SORCS1: variants seen among roughly 807,000 people sequenced by gnomAD.
SORCS1 encodes sortilin related VPS10 domain containing receptor 1.
A neutral mutation model predicts 146.1 loss-of-function variants in SORCS1; 60 were observed. The observed-to-expected ratio is 0.41, with a 90% confidence interval of 0.33 to 0.51. The LOEUF (loss-of-function observed/expected upper bound fraction) is 0.51. Ranked by LOEUF, SORCS1 falls within the 20% of genes least tolerant of loss-of-function variation. The probability of loss-of-function intolerance (pLI) is 0.21; values close to 1 mark genes in which losing one functional copy is unlikely to be tolerated. For missense variants in SORCS1, 1,352 were observed against 1,487.6 expected (o/e 0.91, Z 1.50); for synonymous variants, 637 against 584.0 (o/e 1.09, Z -1.31).
intron 23 of SORCS1, among the ~76,000 whole-genome samples, chr10:106,601,343 C>A (rs1194161234): frequency 6.6e-6 from 1 of 152,240 alleles, no homozygotes; most frequent in Non-Finnish European, 1.5e-5. Context: ...CTTTCCAGCA[C>A]AGTCCATTTT....
intron 19 of SORCS1, among the ~76,000 whole-genome samples, chr10:106,627,068 G>C (rs982129323): frequency 1.3e-5 from 2 of 152,150 alleles, no homozygotes; most frequent in East Asian, 3.9e-4. Context: ...AAGGGTTTCC[G>C]CAGCCCTTAA....
intron 1 of SORCS1, among the ~76,000 whole-genome samples, chr10:107,007,828 G>A (rs1026826321): frequency 9.9e-5 from 15 of 151,930 alleles, no homozygotes; most frequent in African/African-American, 3.4e-4. Flanking sequence ...GCCCAATTAC[G>A]CTTACTTGAT....
intron 18 of SORCS1, among the ~76,000 whole-genome samples, chr10:106,629,912 C>T (rs1347092463): frequency 1.3e-5 from 2 of 152,192 alleles, no homozygotes; most frequent in African/African-American, 2.4e-5. Flanking sequence ...GGCGTGGTGG[C>T]GCACGCCTAT....
rs571987573 is a variant in SORCS1, at chr10:106,912,434, C to T, written c.626+44079G>A. 5.3e-5 allele frequency among the ~76,000 whole-genome samples: 8 copies of T among 152,240 alleles called. No homozygotes were observed. In the South Asian group the frequency reaches 1.7e-3, roughly 32 times the overall value. ...TTAAAGTGTGAATTTCTGATTCTCACTCCCAACCTAAAGCAATCAGAATCT... is the reference window on the plus strand; with the variant it reads ...TTAAAGTGTGAATTTCTGATTCTCATTCCCAACCTAAAGCAATCAGAATCT... On this transcript the variant is annotated intron_variant, in intron 2 of 25. Coordinates refer to ENST00000263054, the MANE Select transcript of SORCS1 (RefSeq NM_052918.5).
chr10:106,731,428 G>C (rs901749924), intron 5 of SORCS1, among the ~76,000 whole-genome samples: 7 of 150,484 alleles, frequency 4.7e-5, no homozygotes, highest in Non-Finnish European at 7.4e-5. Flanking sequence ...TGTTGCCATT[G>C]TCTGAAAGTG....
intron 2 of SORCS1, among the ~76,000 whole-genome samples, chr10:106,947,172 T>C (rs1029010508): frequency 3.9e-5 from 6 of 152,334 alleles, no homozygotes; most frequent in African/African-American, 1.4e-4. Context: ...GATGAAAGCC[T>C]GGGGAAATCT....
chr10:106,665,389 T>TC (rs200127023), intron 17 of SORCS1, among the ~76,000 whole-genome samples: 2,689 of 131,396 alleles, frequency 0.02, 83 homozygotes, highest in African/African-American at 0.07. Context: ...TCTCTCTCTC[T>TC]TTTTTTTTTT....
chr10:106,805,733 T>C (rs1045704610), intron 3 of SORCS1, among the ~76,000 whole-genome samples: 1 of 151,948 alleles, frequency 6.6e-6, no homozygotes, highest in Non-Finnish European at 1.5e-5. Flanking sequence ...GATATATACA[T>C]ATAAATCATA....
intron 2 of SORCS1, among the ~76,000 whole-genome samples, chr10:106,830,861 A>C (rs1234782898): frequency 6.6e-6 from 1 of 151,850 alleles, no homozygotes; most frequent in Non-Finnish European, 1.5e-5. Context: ...ACACCACTGC[A>C]CTCCAGCCTG....
At chr10:106,612,079 T>G in intron 21 of SORCS1, 56 bp from the exon 22 acceptor site, 9 of 1,352,552 alleles carry the variant, frequency 6.7e-6, no homozygotes, top group Non-Finnish European at 9.5e-6. Context: ...GTCAAGAGGT[T>G]TGTTAGACTT....
At chr10:106,953,735 A>G (rs1954811567) in intron 2 of SORCS1, among the ~76,000 whole-genome samples, 1 of 152,212 alleles carries the variant, frequency 6.6e-6, no homozygotes, top group Non-Finnish European at 1.5e-5. Flanking sequence ...ACTGTGGGCA[A>G]TTGTAACATC....
chr10:106,578,773 T>C, intron 25 of SORCS1: 1 of 1,162,778 alleles, frequency 8.6e-7, no homozygotes. Context: ...CCTCTCCTTC[T>C]TATATACTAT....
intron 3 of SORCS1, among the ~76,000 whole-genome samples, chr10:106,786,662 A>G (rs1034902342): frequency 1.3e-5 from 2 of 152,136 alleles, no homozygotes; most frequent in Non-Finnish European, 2.9e-5. Flanking sequence ...GAAGAAAAGC[A>G]TGCACACGCA....
chr10:106,624,437 TG>T (rs1199880951), intron 19 of SORCS1, among the ~76,000 whole-genome samples: 1 of 142,102 alleles, frequency 7.0e-6, no homozygotes, highest in Non-Finnish European at 1.5e-5. Context: ...CTTGGCTTGT[TG>T]CAACCTCTGC....
At chr10:107,096,728 T>C (rs1258498836) in intron 1 of SORCS1, among the ~76,000 whole-genome samples, 2 of 152,060 alleles carry the variant, frequency 1.3e-5, no homozygotes, top group African/African-American at 4.8e-5. Context: ...GCCAGGCTGG[T>C]CTCGAACTCC....
chr10:106,916,534 GTATC>G (rs1272993506), intron 2 of SORCS1, among the ~76,000 whole-genome samples: 2 of 145,026 alleles, frequency 1.4e-5, no homozygotes, highest in Non-Finnish European at 3.0e-5. Context: ...ATAATTATGT[GTATC>G]TATGCACACG....
At chr10:106,577,859 T>C (rs1231696043) in intron 25 of SORCS1, 1 of 252,826 alleles carries the variant, frequency 4.0e-6, no homozygotes, top group African/African-American at 2.3e-5. Context: ...CCTCTCCAAA[T>C]AAAAGAAAGT....
upstream of SORCS1, among the ~76,000 whole-genome samples, chr10:107,169,195 G>A (rs138345570): frequency 1.7e-4 from 26 of 152,142 alleles, no homozygotes; most frequent in African/African-American, 5.3e-4. Context: ...ATGCCTCATC[G>A]TTTGAACAAT....
chr10:107,057,333 C>T (rs1960741347), intron 1 of SORCS1, among the ~76,000 whole-genome samples: 1 of 152,178 alleles, frequency 6.6e-6, no homozygotes, highest in Admixed American at 6.5e-5. Context: ...AAACACACAA[C>T]TCAGTATCTA....
Sources: gnomAD v4.1 joint callset for allele counts (sites outside exome capture counted in the v4.1 genomes callset) on GRCh38, gnomAD v4.1.1 for gene constraint, MANE v1.5 for transcripts, NCBI Gene and HGNC (gene_info 2026-07-23, HGNC 2026-07-21) for gene names.